SP140L: variants seen among roughly 807,000 people sequenced by gnomAD.
The protein encoded by SP140L is nuclear body protein SP140-like protein.
SP140L carries 64 observed loss-of-function variants against 84.3 expected under a neutral mutation model. That is an observed-to-expected ratio of 0.76 (90% CI 0.62 to 0.94). SP140L has a LOEUF of 0.94. SP140L is among the 40% of genes least tolerant of loss of function. The pLI is 0.00. For synonymous variants in SP140L, 242 were observed against 236.9 expected, an observed-to-expected ratio of 1.02 and a Z score of -0.20; for missense variants, 628 against 692.5, an observed-to-expected ratio of 0.91 and a Z score of 1.05.
Position 230,327,317 on chromosome 2 carries a change from T to C in SP140L, c.32+16T>C. The C allele has an allele frequency of 6.2e-7, 1 of 1,608,704 alleles. No individual in the cohort carries two copies. The highest frequency in any genetic ancestry group is 1.3e-5 in the African/African-American group (1 of 74,958). ...TGAGCACCAGGTGAGTCTTTATCTCTCTTCCTTTCACCTTTATCTCTGGCA... is the reference window on the plus strand; with the variant it reads ...TGAGCACCAGGTGAGTCTTTATCTCCCTTCCTTTCACCTTTATCTCTGGCA... On this transcript the variant is annotated intron_variant, in intron 1 of 18. Transcript: ENST00000415673.
At chr2:230,329,224 G>A (rs1263410812) in intron 2 of SP140L, among the ~76,000 whole-genome samples, 2 of 152,140 alleles carry the variant, frequency 1.3e-5, no homozygotes, top group Non-Finnish European at 2.9e-5. Context: ...TGTTAAGGTG[G>A]CAGATTTGAT....
chr2:230,392,325 C>G (rs1454835695), intron 12 of SP140L, 96 bp downstream of exon 12: 3 of 1,558,640 alleles, frequency 1.9e-6, no homozygotes, highest in African/African-American at 1.4e-5. Flanking sequence ...TAGGTTATAG[C>G]TAAAGCCTTG....
At chr2:230,389,578 T>G (rs930631587) in intron 10 of SP140L, among the ~76,000 whole-genome samples, 1 of 152,178 alleles carries the variant, frequency 6.6e-6, no homozygotes, top group African/African-American at 2.4e-5. Flanking sequence ...CAAAACAGAA[T>G]AGCTGGAGAG....
intron 2 of SP140L, among the ~76,000 whole-genome samples, chr2:230,347,707 T>C (rs1289045893): frequency 2.0e-5 from 3 of 152,208 alleles, no homozygotes; most frequent in Non-Finnish European, 4.4e-5. Flanking sequence ...GCTTTGAGGC[T>C]GGGCAGAATC....
chr2:230,379,334 A>G (rs2061337847), intron 7 of SP140L, among the ~76,000 whole-genome samples: 1 of 152,008 alleles, frequency 6.6e-6, no homozygotes, highest in African/African-American at 2.4e-5. Flanking sequence ...AAAATTCTAT[A>G]TTCTCCCTTT....
intron 5 of SP140L, among the ~76,000 whole-genome samples, chr2:230,365,139 A>G (rs899522583): frequency 1.3e-5 from 2 of 152,078 alleles, no homozygotes; most frequent in Admixed American, 1.3e-4. Flanking sequence ...TCCTTGCCTT[A>G]CTTTGGTATC....
At chr2:230,390,143 G>A (rs2061740728) in intron 11 of SP140L, 120 bp downstream of exon 11, 2 of 805,894 alleles carry the variant, frequency 2.5e-6, no homozygotes, top group East Asian at 5.3e-5. Flanking sequence ...TTAGCTTGAG[G>A]GAAGGAGGAA....
At chr2:230,355,269 A>G (rs56291657) in intron 2 of SP140L, among the ~76,000 whole-genome samples, 23,627 of 152,234 alleles carry the variant, frequency 0.16, 1,905 homozygotes, top group East Asian at 0.26. Flanking sequence ...CCATAAATAC[A>G]TGGTTAATAG....
Position 230,358,964 on chromosome 2 carries a change from G to A in SP140L, c.271G>A (p.Asp91Asn), listed in dbSNP as rs773822047. ...TTTTCTCCATTCAATATTTTTAAAG[G>A]ATTCTGAAGATTCTTGTAGAAACCT... ...RELITNKMFE[D>N]SEDSCRNLVP... is the part of the protein sequence containing the mutation. The change falls in exon 4 of 19, where the codon GAT becomes AAT. Residue 91 changes from aspartate (D) to asparagine (N), a missense_variant and splice_region_variant. Coordinates refer to ENST00000415673, the MANE Select transcript of SP140L (RefSeq NM_138402.6). The A allele has an allele frequency of 2.6e-6, 4 of 1,567,440 alleles. No homozygotes were observed. The Admixed American group carries it at 8.5e-5, about 33-fold the overall frequency.
chr2:230,329,098 G>A (rs1459939430), intron 2 of SP140L, among the ~76,000 whole-genome samples: 2 of 152,136 alleles, frequency 1.3e-5, no homozygotes, highest in Non-Finnish European at 2.9e-5. Flanking sequence ...AAAATTTCAT[G>A]TATAAACATC....
intron 2 of SP140L, among the ~76,000 whole-genome samples, chr2:230,347,842 G>C (rs1273623001): frequency 3.9e-5 from 6 of 152,226 alleles, no homozygotes; most frequent in Admixed American, 3.9e-4. Context: ...AGGGTCACCA[G>C]CTTGCCTCTG....
chr2:230,371,319 A>G (rs2061061367), intron 6 of SP140L, among the ~76,000 whole-genome samples: 1 of 152,200 alleles, frequency 6.6e-6, no homozygotes. Flanking sequence ...CACCTTAGAA[A>G]GGCCTCACCC....
intron 15 of SP140L, 117 bp from the exon 16 acceptor site, chr2:230,400,838 C>T (rs2149836048): frequency 1.3e-6 from 2 of 1,574,528 alleles, no homozygotes; most frequent in African/African-American, 2.7e-5. Context: ...GGAGGTGTTC[C>T]CCTCCCTCCC....
chr2:230,331,604 T>A (rs1018376398), intron 2 of SP140L, among the ~76,000 whole-genome samples: 2 of 152,226 alleles, frequency 1.3e-5, no homozygotes, highest in African/African-American at 4.8e-5. Context: ...TTTACATTTT[T>A]AAAAATTCTT....
chr2:230,387,728 C>T (rs964245284), intron 9 of SP140L, among the ~76,000 whole-genome samples: 1 of 152,142 alleles, frequency 6.6e-6, no homozygotes, highest in African/African-American at 2.4e-5. Flanking sequence ...CATTGAGATG[C>T]CCACTCACAG....
chr2:230,368,759 T>G (rs2060965183), intron 5 of SP140L, among the ~76,000 whole-genome samples: 1 of 152,212 alleles, frequency 6.6e-6, no homozygotes, highest in Non-Finnish European at 1.5e-5. Flanking sequence ...ATTTTTTCAT[T>G]TTATTCATTG....
chr2:230,384,412 A>G (rs1028594204), intron 8 of SP140L, among the ~76,000 whole-genome samples: 1 of 152,196 alleles, frequency 6.6e-6, no homozygotes, highest in Non-Finnish European at 1.5e-5. Context: ...CTCCTAGTCA[A>G]TGAAGGCTGT....
intron 9 of SP140L, among the ~76,000 whole-genome samples, chr2:230,386,598 A>G (rs938904057): frequency 6.6e-6 from 1 of 152,208 alleles, no homozygotes; most frequent in Admixed American, 6.5e-5. Context: ...TGCCTTGCTC[A>G]GCCACTTGAT....
At chr2:230,382,409 G>A (rs188850544) in intron 7 of SP140L, among the ~76,000 whole-genome samples, 45 of 152,264 alleles carry the variant, frequency 3.0e-4, no homozygotes, top group African/African-American at 9.6e-4. Flanking sequence ...TCCTAGGGTT[G>A]GAGGTGTTCC....
Sources: allele counts gnomAD v4.1 joint callset (sites outside exome capture counted in the v4.1 genomes callset), GRCh38; gene constraint gnomAD v4.1.1; transcripts MANE v1.5; gene names NCBI Gene and HGNC (gene_info 2026-07-23, HGNC 2026-07-21).